The following LRP1B variants were observed in gnomAD, a reference collection of about 807,000 sequenced individuals.
The protein encoded by LRP1B is low-density lipoprotein receptor-related protein 1B.
A neutral mutation model predicts 556.6 loss-of-function variants in LRP1B; 217 were observed. The ratio of observed to expected loss-of-function variants is 0.39; its 90% confidence interval spans 0.35 to 0.44. The LOEUF (loss-of-function observed/expected upper bound fraction) is 0.44. LRP1B is among the 20% of genes least tolerant of loss of function. The pLI, the probability that LRP1B is intolerant of heterozygous loss-of-function variation, is 1.00. For synonymous variants in LRP1B, 2,047 were observed against 1,865.8 expected (o/e 1.10, Z -2.50); for missense variants, 5,053 against 5,620.8 (o/e 0.90, Z 3.23).
intron 1 of LRP1B, among the ~76,000 whole-genome samples, chr2:141,879,691 T>C (rs898651478): frequency 3.3e-5 from 5 of 151,848 alleles, no homozygotes; most frequent in African/African-American, 1.2e-4. Flanking sequence ...ATTTTCAAGT[T>C]TCCAAAATTA....
chr2:140,285,256 TAGAG>T (rs1683095923), intron 84 of LRP1B, among the ~76,000 whole-genome samples: 1 of 150,894 alleles, frequency 6.6e-6, no homozygotes, highest in Non-Finnish European at 1.5e-5. Flanking sequence ...TATATATACA[TAGAG>T]AAATTTCTAT....
chr2:141,899,700 T>C (rs1174933166), intron 1 of LRP1B, among the ~76,000 whole-genome samples: 1 of 152,142 alleles, frequency 6.6e-6, no homozygotes, highest in Non-Finnish European at 1.5e-5. Flanking sequence ...TAAGTTTTTG[T>C]CTTTGGAAAA....
At chr2:141,223,804 T>A (rs148782709) in intron 6 of LRP1B, among the ~76,000 whole-genome samples, 1 of 152,146 alleles carries the variant, frequency 6.6e-6, no homozygotes, top group Non-Finnish European at 1.5e-5. Flanking sequence ...ATTTAATAAA[T>A]GGTGCTGGGC....
rs914063390 is a variant in LRP1B, at chr2:142,007,067, A to G, written c.82+123581T>C. 2.6e-5 allele frequency among the ~76,000 whole-genome samples: 4 copies of G among 152,182 alleles called. No individual in the cohort carries two copies. The South Asian group carries it at 6.2e-4, about 24-fold the overall frequency. Reference sequence around the variant, plus strand: ...AAACTGGTTTAGACCATCCCGACAAAACAAGTTTGCCTCCAGATTTCACAT... The same window carrying G: ...AAACTGGTTTAGACCATCCCGACAAGACAAGTTTGCCTCCAGATTTCACAT... On this transcript the variant is annotated intron_variant, in intron 1 of 90. Coordinates refer to ENST00000389484, the MANE Select transcript of LRP1B (RefSeq NM_018557.3).
At chr2:141,329,649 A>AAAAAAAAAAACAAAAC (rs1559009018) in intron 3 of LRP1B, among the ~76,000 whole-genome samples, 3 of 132,592 alleles carry the variant, frequency 2.3e-5, no homozygotes, top group African/African-American at 9.3e-5. Context: ...GTCTCAAAAA[A>AAAAAAAAAAACAAAAC]AAAAAAAAAA....
intron 18 of LRP1B, among the ~76,000 whole-genome samples, chr2:140,972,891 T>G (rs1696474477): frequency 6.7e-6 from 1 of 150,078 alleles, no homozygotes; most frequent in African/African-American, 2.4e-5. Context: ...TGGTCATAAA[T>G]GAAATAAAAA....
At chr2:141,061,921 A>C in intron 8 of LRP1B, 130 bp downstream of exon 8, 1 of 693,138 alleles carries the variant, frequency 1.4e-6, no homozygotes, top group South Asian at 1.8e-5. Flanking sequence ...TCTCCAATAT[A>C]GGAAATATAC....
chr2:141,881,679 C>A (rs1488352953), intron 1 of LRP1B, among the ~76,000 whole-genome samples: 2 of 151,726 alleles, frequency 1.3e-5, no homozygotes, highest in Non-Finnish European at 2.9e-5. Flanking sequence ...AAAAACATTG[C>A]AGGTTTAGAA....
intron 1 of LRP1B, among the ~76,000 whole-genome samples, chr2:141,874,663 AG>A: frequency 6.6e-6 from 1 of 152,132 alleles, no homozygotes; most frequent in East Asian, 1.9e-4. Context: ...GCATCTCAAA[AG>A]TACTATATAA....
At chr2:140,607,332 G>A (rs1236141991) in intron 41 of LRP1B, among the ~76,000 whole-genome samples, 1 of 152,046 alleles carries the variant, frequency 6.6e-6, no homozygotes, top group Non-Finnish European at 1.5e-5. Context: ...GTAAAATGGA[G>A]CAGCCTCTTT....
chr2:141,544,346 C>CTTCTTCTTCTTCTTCTT (rs1685442526), intron 2 of LRP1B, among the ~76,000 whole-genome samples: 12 of 85,022 alleles, frequency 1.4e-4, no homozygotes, highest in South Asian at 5.7e-4. Flanking sequence ...TCTTCTTCTT[C>CTTCTTCTTCTTCTTCTT]TTCTTCTTCT....
chr2:140,571,910 A>G (rs1681336658), intron 43 of LRP1B, among the ~76,000 whole-genome samples: 1 of 151,732 alleles, frequency 6.6e-6, no homozygotes, highest in African/African-American at 2.4e-5. Context: ...TAGTCCCCTC[A>G]ATAAGTGGTG....
chr2:140,604,597 A>G (rs189909879), intron 41 of LRP1B, among the ~76,000 whole-genome samples: 1 of 152,224 alleles, frequency 6.6e-6, no homozygotes, highest in East Asian at 1.9e-4. Context: ...GAGCTTACCA[A>G]ATGGGAAAGG....
chr2:141,944,394 T>G (rs183500805), intron 1 of LRP1B, among the ~76,000 whole-genome samples: 90 of 152,302 alleles, frequency 5.9e-4, no homozygotes, highest in African/African-American at 2.0e-3. Flanking sequence ...CCTATCCTTA[T>G]TCCTCTTCAA....
At chr2:140,233,430 C>A in intron 90 of LRP1B, 104 bp from the exon 91 acceptor site, 1 of 678,154 alleles carries the variant, frequency 1.5e-6, no homozygotes, top group Non-Finnish European at 2.3e-6. Flanking sequence ...TATTTATATG[C>A]AATACATTTA....
chr2:141,788,782 T>C (rs539885545), intron 2 of LRP1B, among the ~76,000 whole-genome samples: 42 of 144,302 alleles, frequency 2.9e-4, no homozygotes, highest in Admixed American at 7.3e-4. Flanking sequence ...AGCGAGAACA[T>C]GCGGTGTTTG....
intron 2 of LRP1B, among the ~76,000 whole-genome samples, chr2:141,768,178 GAATATT>G (rs1694789290): frequency 6.6e-6 from 1 of 152,098 alleles, no homozygotes; most frequent in Non-Finnish European, 1.5e-5. Context: ...ACATAATGAA[GAATATT>G]AATATTCTTT....
rs562678053 is a variant in LRP1B at position 140,606,680 on chromosome 2, C to T, written c.6800-5041G>A. Among the ~76,000 whole-genome samples, 6 of 152,026 alleles carry T rather than the reference C, an allele frequency of 3.9e-5. No homozygotes were observed. The South Asian group carries it at 1.2e-3, about 32-fold the overall frequency. On this transcript the variant is annotated intron_variant, in intron 41 of 90. Coordinates refer to ENST00000389484, the MANE Select transcript of LRP1B (RefSeq NM_018557.3). ...ACACAGCTACATGTACCAGAAAAGT[C>T]CAATGAGAAAAAAAATTATCTCAAA...
chr2:141,102,177 C>G (rs1395070419), intron 7 of LRP1B, among the ~76,000 whole-genome samples: 2 of 152,040 alleles, frequency 1.3e-5, no homozygotes, highest in Non-Finnish European at 2.9e-5. Flanking sequence ...TATTCTTCAC[C>G]CTTAGTGGTA....
Sources: allele counts gnomAD v4.1 joint callset (sites outside exome capture counted in the v4.1 genomes callset), GRCh38; gene constraint gnomAD v4.1.1; transcripts MANE v1.5; gene names NCBI Gene and HGNC (gene_info 2026-07-23, HGNC 2026-07-21).